Variants in SLC12A8 observed in about 807,000 individuals in gnomAD.
SLC12A8 encodes solute carrier family 12 member 8.
In SLC12A8, 69 loss-of-function variants were observed where a neutral mutation model predicts 75.6. The ratio of observed to expected loss-of-function variants is 0.91; its 90% CI spans 0.75 to 1.11. The LOEUF (loss-of-function observed/expected upper bound fraction) is 1.11. SLC12A8 is among the 50% of genes most tolerant of loss of function. SLC12A8 has a pLI of 0.00. For synonymous variants in SLC12A8, 365 were observed against 372.8 expected, an observed-to-expected ratio of 0.98 and a Z score of 0.24; for missense variants, 877 against 896.7, an observed-to-expected ratio of 0.98 and a Z score of 0.28.
At chr3:125,085,942 T>C (rs933657731) in intron 13 of SLC12A8, among the ~76,000 whole-genome samples, 1 of 151,634 alleles carries the variant, frequency 6.6e-6, no homozygotes, top group Admixed American at 6.6e-5. Context: ...TCTCACTCTA[T>C]TGCTCAGACT....
chr3:125,144,575 C>T (rs1007418401), intron 5 of SLC12A8, among the ~76,000 whole-genome samples: 10 of 152,038 alleles, frequency 6.6e-5, no homozygotes, highest in East Asian at 1.9e-4. Flanking sequence ...GCCAGGATAA[C>T]GGGCTGTTTT....
At position 125,190,432 on chromosome 3, in the gene SLC12A8, T is replaced by C. The variant is rs771143728; in HGVS notation, c.141A>G (p.Thr47=). 6.2e-7 allele frequency: 1 copy of C among 1,614,124 alleles called. No homozygotes were observed. The highest frequency in any genetic ancestry group is 1.1e-5 in the South Asian group (1 of 91,072). ...CCCCAAAGATGTTGATCATGCAGGATGTGAACACACCATCCCAGGTCCCAA... is the reference window on the plus strand; with the variant it reads ...CCCCAAAGATGTTGATCATGCAGGACGTGAACACACCATCCCAGGTCCCAA... ...VLFGTWDGVF[T]SCMINIFGVV... Residue 47 remains threonine (T), a synonymous_variant, in exon 3 of 14, where the codon ACA becomes ACG. Transcript: ENST00000469902.
intron 10 of SLC12A8, among the ~76,000 whole-genome samples, chr3:125,104,778 G>A (rs557482911): frequency 4.6e-5 from 7 of 152,274 alleles, no homozygotes; most frequent in African/African-American, 1.4e-4. Context: ...TTTTGAGGAA[G>A]CCTCCTCCAA....
At chr3:125,119,762 A>C in intron 7 of SLC12A8, 1 of 428,366 alleles carries the variant, frequency 2.3e-6, no homozygotes, top group Non-Finnish European at 4.7e-6. Flanking sequence ...TGTGAAACAG[A>C]TACATTAATA....
chr3:125,191,114 C>A (rs949989180), intron 2 of SLC12A8, among the ~76,000 whole-genome samples: 2 of 152,168 alleles, frequency 1.3e-5, no homozygotes, highest in African/African-American at 4.8e-5. Flanking sequence ...ATGAGATTCC[C>A]TGTTTAAAAT....
chr3:125,199,003 C>A (rs1935065200), intron 2 of SLC12A8, among the ~76,000 whole-genome samples: 1 of 152,014 alleles, frequency 6.6e-6, no homozygotes, highest in Non-Finnish European at 1.5e-5. Context: ...TGGTCTCGAT[C>A]TCCTGACCTC....
rs371942380 is a variant in SLC12A8 at position 125,110,202 on chromosome 3, C to T, written c.1046G>A (p.Cys349Tyr). 2.5e-6 allele frequency: 4 copies of T among 1,612,692 alleles called. No individual in the cohort carries two copies. The highest frequency in any genetic ancestry group is 3.4e-6 in the Non-Finnish European group (4 of 1,179,112). Residue 349 changes from cysteine (C) to tyrosine (Y), a missense_variant, in exon 9 of 14, where the codon TGT (cysteine) becomes TAT (tyrosine). Cys to Tyr is a radical substitution (Grantham distance 194, BLOSUM62 -2). Coordinates refer to ENST00000469902, the MANE Select transcript of SLC12A8 (RefSeq NM_024628.6). ...AGGATTACTCACCCCTTGTCCCAGA[C>T]AGGCAAGTGCAGGGATCACTTTCTC... ...AQEKVIPALACLGQGKGPNKT... is the reference protein window; with the variant it reads ...AQEKVIPALAYLGQGKGPNKT...
chr3:125,187,051 C>T (rs1934801128), intron 4 of SLC12A8, among the ~76,000 whole-genome samples, 186 bp downstream of exon 4: 1 of 152,214 alleles, frequency 6.6e-6, no homozygotes, highest in African/African-American at 2.4e-5. Context: ...GAGTGCTGGA[C>T]TAAGAGGTCA....
intron 10 of SLC12A8, among the ~76,000 whole-genome samples, chr3:125,097,650 C>T (rs1348040654): frequency 6.6e-6 from 1 of 151,490 alleles, no homozygotes; most frequent in African/African-American, 2.4e-5. Flanking sequence ...TTTTATATAT[C>T]AGCAATGTAA....
At chr3:125,142,677 C>T (rs11917613) in intron 5 of SLC12A8, among the ~76,000 whole-genome samples, 38,064 of 152,212 alleles carry the variant, frequency 0.25, 5,692 homozygotes, top group Middle Eastern at 0.37. Flanking sequence ...TCAGCGAGAC[C>T]GGCATGGGCC....
chr3:125,145,762 T>C (rs1933756504), intron 5 of SLC12A8, among the ~76,000 whole-genome samples: 3 of 152,004 alleles, frequency 2.0e-5, no homozygotes, highest in African/African-American at 7.3e-5. Context: ...AAAATACAAT[T>C]ATATTATAAT....
At chr3:125,167,670 A>T (rs993774099) in intron 5 of SLC12A8, among the ~76,000 whole-genome samples, 16 of 152,228 alleles carry the variant, frequency 1.1e-4, no homozygotes, top group Non-Finnish European at 2.4e-4. Context: ...ATGGCTCAAG[A>T]CCACACAGGG....
intron 5 of SLC12A8, among the ~76,000 whole-genome samples, chr3:125,146,946 G>A (rs1049951389): frequency 3.3e-5 from 5 of 152,248 alleles, no homozygotes; most frequent in Non-Finnish European, 7.3e-5. Flanking sequence ...AGTCACCAAT[G>A]TAGGCAGAAA....
chr3:125,141,726 C>T (rs1404841174), intron 5 of SLC12A8, among the ~76,000 whole-genome samples: 1 of 152,072 alleles, frequency 6.6e-6, no homozygotes, highest in East Asian at 1.9e-4. Context: ...CGGGGGCTTC[C>T]GGCGGCGCTC....
In SLC12A8 at chr3:125,125,477, T is replaced by C. The variant is rs569687043; in HGVS notation, c.737-4791A>G. On this transcript the variant is annotated intron_variant, in intron 6 of 13. Transcript: ENST00000469902. Reference sequence around the variant, plus strand: ...GGGAGGCTGAGGCAGGAAAATCGCTTGAATCTGGGAGGCGTAGGTTGCAAT... The same window carrying C: ...GGGAGGCTGAGGCAGGAAAATCGCTCGAATCTGGGAGGCGTAGGTTGCAAT... Among the ~76,000 whole-genome samples, 6 of 152,292 alleles carry C rather than the reference T, an allele frequency of 3.9e-5. No homozygotes were observed. In the South Asian group the frequency reaches 6.2e-4, roughly 16 times the overall value.
chr3:125,135,869 G>C, intron 5 of SLC12A8, 87 bp from the exon 6 acceptor site: 1 of 734,210 alleles, frequency 1.4e-6, no homozygotes, highest in Non-Finnish European at 2.2e-6. Context: ...TTCATATATC[G>C]CTTTAAATAT....
At chr3:125,205,395 G>A (rs1935207243) in intron 2 of SLC12A8, among the ~76,000 whole-genome samples, 1 of 151,870 alleles carries the variant, frequency 6.6e-6, no homozygotes, top group Admixed American at 6.6e-5. Flanking sequence ...TCATTTCAGT[G>A]AAGAACACTT....
chr3:125,150,042 C>G (rs1933881852), intron 5 of SLC12A8, among the ~76,000 whole-genome samples: 1 of 152,178 alleles, frequency 6.6e-6, no homozygotes, highest in South Asian at 2.1e-4. Context: ...GTTCTGAACC[C>G]TGTCCTAGAA....
chr3:125,169,247 C>T (rs682870), intron 5 of SLC12A8, among the ~76,000 whole-genome samples: 136,926 of 152,236 alleles, frequency 0.9, 62,039 homozygotes, highest in Admixed American at 0.95. Flanking sequence ...AAACAAATTC[C>T]TGAGAGGGTC....
Sources: allele counts gnomAD v4.1 joint callset (sites outside exome capture counted in the v4.1 genomes callset), GRCh38; gene constraint gnomAD v4.1.1; transcripts MANE v1.5; gene names NCBI Gene and HGNC (gene_info 2026-07-23, HGNC 2026-07-21).